NCOR2: variants seen among roughly 807,000 people sequenced by gnomAD.
NCOR2 encodes CTG repeat protein 26.
Under a neutral mutation model 262.9 loss-of-function variants are expected in NCOR2, and 81 were observed. The ratio of observed to expected loss-of-function variants is 0.31; its 90% CI spans 0.26 to 0.37. The LOEUF (loss-of-function observed/expected upper bound fraction) is 0.37, where lower values mean the gene tolerates loss of function less well. NCOR2 is among the 10% of genes least tolerant of loss of function. The probability of loss-of-function intolerance (pLI) is 1.00; values close to 1 mark genes in which losing one functional copy is unlikely to be tolerated. For missense variants in NCOR2, 3,385 were observed against 3,621.4 expected, an observed-to-expected ratio of 0.93 and a Z score of 1.68; for synonymous variants, 1,659 against 1,559.3, an observed-to-expected ratio of 1.06 and a Z score of -1.51.
chr12:124,412,320 C>A (rs2042628111), intron 13 of NCOR2, among the ~76,000 whole-genome samples: 2 of 152,264 alleles, frequency 1.3e-5, no homozygotes, highest in Non-Finnish European at 2.9e-5. Context: ...CTGGTGCAAG[C>A]ACTTCAGACA....
At chr12:124,474,473 C>G (rs1370542850) in intron 3 of NCOR2, among the ~76,000 whole-genome samples, 1 of 152,148 alleles carries the variant, frequency 6.6e-6, no homozygotes, top group Non-Finnish European at 1.5e-5. Flanking sequence ...TCCATGGACG[C>G]CTTCATCCCA....
intron 1 of NCOR2, among the ~76,000 whole-genome samples, chr12:124,520,837 C>A (rs1407530226): frequency 6.6e-6 from 1 of 152,164 alleles, no homozygotes; most frequent in Non-Finnish European, 1.5e-5. Flanking sequence ...GCCGACAGGC[C>A]GCTTCCTGGA....
intron 5 of NCOR2, among the ~76,000 whole-genome samples, chr12:124,458,353 C>G (rs529036295): frequency 7.9e-5 from 12 of 152,240 alleles, no homozygotes; most frequent in East Asian, 1.9e-4. Context: ...ATCACTCCCC[C>G]TCCCCAGCCC....
chr12:124,517,364 T>A lies in NCOR2; in HGVS notation c.-118+18201A>T, dbSNP rs2049877004. Among the ~76,000 whole-genome samples the A allele has an allele frequency of 6.6e-6, 1 of 151,928 alleles. No individual in the cohort carries two copies. The highest frequency in any genetic ancestry group is 2.4e-5 in the African/African-American group (1 of 41,356). Reference sequence around the variant, plus strand: ...ACAAATCACTCCCTCATCCCCCCGGTTTGCAACTAAAGGCTCCTTGTGAGC... The same window carrying A: ...ACAAATCACTCCCTCATCCCCCCGGATTGCAACTAAAGGCTCCTTGTGAGC... On this transcript the variant is annotated intron_variant, in intron 1 of 46. Coordinates refer to the NCOR2 transcript ENST00000404621. This position sits in a 1 kb window ranked among gnomAD's most constrained non-coding sequence, Gnocchi z 7.6.
intron 4 of NCOR2, among the ~76,000 whole-genome samples, chr12:124,466,671 C>T (rs1322442588): frequency 6.6e-6 from 1 of 152,008 alleles, no homozygotes; most frequent in African/African-American, 2.4e-5. Flanking sequence ...AGGCCTGCTG[C>T]GAGCCGGCAT....
chr12:124,438,120 AC>A, intron 7 of NCOR2, 124 bp from the exon 10 acceptor site: 1 of 843,380 alleles, frequency 1.2e-6, no homozygotes, highest in Non-Finnish European at 1.9e-6. Flanking sequence ...GGGAGATGAG[AC>A]CCACCCGTGC....
chr12:124,355,438 G>A (rs756684433), exon 24 of NCOR2: 1 of 1,613,578 alleles, frequency 6.2e-7, no homozygotes, highest in Admixed American at 1.7e-5. Context: ...TCACTTGGGA[G>A]ATGGCACCTA....
chr12:124,361,839 G>C (rs891132796), intron 22 of NCOR2, among the ~76,000 whole-genome samples: 1 of 152,262 alleles, frequency 6.6e-6, no homozygotes, highest in Non-Finnish European at 1.5e-5. Context: ...CACATAAGAT[G>C]GATTTCTGGC....
Position 124,344,852 on chromosome 12 carries a change from C to T in NCOR2, c.4459G>A (p.Val1487Met), listed in dbSNP as rs781654152. ...TCGGCCATCACATCCAGCGGGTGCA[C>T]GGGTGGGAACGTCCGGCCGGGGCTG... The change falls in exon 32 of 47, where the codon GTG becomes ATG. Residue 1487 changes from valine to methionine, a missense_variant. Coordinates refer to ENST00000405201, the Ensembl canonical transcript of NCOR2. 3.1e-5 allele frequency: 49 copies of T among 1,570,016 alleles called. No homozygotes were observed. In the East Asian group the frequency reaches 3.8e-4, roughly 12 times the overall value.
intron 45 of NCOR2, 29 bp downstream of exon 47, chr12:124,327,380 C>T (rs374103458): frequency 6.9e-5 from 79 of 1,142,330 alleles, no homozygotes; most frequent in East Asian, 6.0e-4. Flanking sequence ...TGGGGACAGA[C>T]GGGGGCGGGG....
At chr12:124,532,560 G>C (rs138084468) in intron 1 of NCOR2, among the ~76,000 whole-genome samples, 5 of 152,166 alleles carry the variant, frequency 3.3e-5, no homozygotes, top group Non-Finnish European at 7.4e-5. Flanking sequence ...CTGCCTTCCC[G>C]GCCTCCCTCA....
intron 26 of NCOR2, 91 bp downstream of exon 28, chr12:124,354,387 G>C: frequency 7.8e-7 from 1 of 1,280,460 alleles, no homozygotes; most frequent in Non-Finnish European, 1.1e-6. Flanking sequence ...TCTGGGAGAT[G>C]ACACTTCCCA....
At chr12:124,431,848 G>C (rs910615722) in intron 8 of NCOR2, among the ~76,000 whole-genome samples, 1 of 149,666 alleles carries the variant, frequency 6.7e-6, no homozygotes, top group African/African-American at 2.5e-5. Context: ...CAGACAGACA[G>C]TCATATAGGC....
At position 124,339,706 on chromosome 12, in the gene NCOR2, A is replaced by C. The variant is rs61934019; in HGVS notation, c.5687+300T>G. ...CCAAACCTGATCATCCACCCATCCA[A>C]CCAGCTAACCCAGCCATCTATCTTT... is the stretch of plus-strand genomic sequence containing the variant. On this transcript the variant is annotated intron_variant, in intron 37 of 46. Transcript: ENST00000405201. Among the ~76,000 whole-genome samples the C allele has an allele frequency of 1.1e-3, 48 of 43,228 alleles. 1 individual carries two copies. Among genetic ancestry groups the C allele is most frequent in the Non-Finnish European group, 1.7e-3 (26 of 15,236 alleles). 28.4% of individuals were successfully genotyped at this position (43,228 alleles called of 152,430 possible).
At chr12:124,491,057 A>G (rs1038443717) in intron 1 of NCOR2, among the ~76,000 whole-genome samples, 1 of 152,238 alleles carries the variant, frequency 6.6e-6, no homozygotes, top group Non-Finnish European at 1.5e-5. Context: ...GTCCAGTGTC[A>G]CAGGCACAGG....
At position 124,467,027 on chromosome 12, in the gene NCOR2, CATCCTCATCCTCACTACCCCCATG is replaced by C. The variant is rs1355149153; in HGVS notation, c.592-765_592-742del. On this transcript the variant is annotated intron_variant, in intron 4 of 46. Coordinates refer to ENST00000405201, the Ensembl canonical transcript of NCOR2. ...TCATCCTCATCCTCACTACCCCCATCATCCTCATCCTCACTACCCCCATGATCCTCATCCTCATCACCCCCATCA... is the reference window on the plus strand; with the variant it reads ...TCATCCTCATCCTCACTACCCCCATCATCCTCATCCTCATCACCCCCATCA... Among the ~76,000 whole-genome samples the C allele has an allele frequency of 3.1e-3, 387 of 125,512 alleles. 7 individuals carry two copies. Among genetic ancestry groups the C allele is most frequent in the Non-Finnish European group, 4.1e-3 (246 of 59,328 alleles). 82.3% of individuals were successfully genotyped at this position (125,512 alleles called of 152,430 possible). A position where few individuals can be genotyped will look rare whatever the true frequency, so the allele number is the denominator to read the frequency against.
chr12:124,381,260 C>G (rs778676078), intron 17 of NCOR2, among the ~76,000 whole-genome samples: 5 of 152,182 alleles, frequency 3.3e-5, no homozygotes, highest in Non-Finnish European at 7.4e-5. Context: ...CTGGCTGTTC[C>G]CCTGCCTGGA....
rs760573650 is a variant in NCOR2, at chr12:124,446,077, G to T, written c.815+3738C>A. On this transcript the variant is annotated intron_variant, in intron 7 of 46. Coordinates refer to ENST00000405201, the Ensembl canonical transcript of NCOR2. ...CTTCCCATGTCCCAGCACTGGACAC[G>T]AGACAGTTTCTGCAGTCTAGCATGA... 2.2e-4 allele frequency among the ~76,000 whole-genome samples: 34 copies of T among 152,216 alleles called. 1 individual carries two copies. The highest frequency in any genetic ancestry group is 2.9e-5 in the Non-Finnish European group (2 of 68,032).
chr12:124,330,073 T>C (rs915081895), intron 44 of NCOR2, among the ~76,000 whole-genome samples: 8 of 152,182 alleles, frequency 5.3e-5, no homozygotes, highest in Non-Finnish European at 1.2e-4. Flanking sequence ...GGCCCAGGAA[T>C]GTTCCCCAGG....
Sources: allele counts gnomAD v4.1 joint callset (sites outside exome capture counted in the v4.1 genomes callset), GRCh38; gene constraint gnomAD v4.1.1; non-coding constraint Gnocchi (gnomAD v3.1); transcripts MANE v1.5; gene names NCBI Gene and HGNC (gene_info 2026-07-23, HGNC 2026-07-21).